The following THRAP3 variants were observed in gnomAD, a reference collection of about 807,000 sequenced individuals.
THRAP3 encodes the protein thyroid hormone receptor-associated protein 3.
In THRAP3, 16 loss-of-function variants were observed where a neutral mutation model predicts 101.0. The ratio of observed to expected loss-of-function variants is 0.16; its 90% CI spans 0.11 to 0.24. THRAP3 has a LOEUF of 0.24. THRAP3 is among the 10% of genes least tolerant of loss of function. The pLI is 1.00. For missense variants in THRAP3, 989 were observed against 1,202.7 expected, an observed-to-expected ratio of 0.82 and a Z score of 2.63; for synonymous variants, 407 against 422.6, an observed-to-expected ratio of 0.96 and a Z score of 0.45.
rs1464266481 is a variant in THRAP3, at chr1:36,286,166, T to C, written c.138-202T>C. Among the ~76,000 whole-genome samples, 1 of 152,248 alleles carries C rather than the reference T, an allele frequency of 6.6e-6. No homozygotes were observed. Among genetic ancestry groups the C allele is most frequent in the Non-Finnish European group, 1.5e-5 (1 of 68,046 alleles). On this transcript the variant is annotated intron_variant, in intron 3 of 11. Transcript: ENST00000354618. This position sits in a 1 kb window ranked among gnomAD's most constrained non-coding sequence, Gnocchi z 5.5. ...TATGAATGAAGTGACCTGTGTTTCA[T>C]CACTTGTTCAAATGATTCTTATCCA...
Position 36,287,252 on chromosome 1 carries a change from G to T in THRAP3, c.1022G>T (p.Gly341Val). 1.2e-6 allele frequency: 2 copies of T among 1,610,010 alleles called. No individual in the cohort carries two copies. Among genetic ancestry groups the T allele is most frequent in the South Asian group, 1.1e-5 (1 of 90,622 alleles). ...AAGGAGGAGAGTGCTGCTTCAGGAGGAGCAGCCTATACAAAGAGGCAAGTA... is the reference window on the plus strand; with the variant it reads ...AAGGAGGAGAGTGCTGCTTCAGGAGTAGCAGCCTATACAAAGAGGCAAGTA... ...SQKEESAASGGAAYTKRYLEE... is the reference protein window; with the variant it reads ...SQKEESAASGVAAYTKRYLEE... The change falls in exon 4 of 12, where the codon GGA becomes GTA. Residue 341 changes from glycine to valine, a missense_variant. By Grantham distance (109) the Gly-to-Val change is moderately radical. Coordinates refer to ENST00000354618, the MANE Select transcript of THRAP3 (RefSeq NM_005119.4).
intron 2 of THRAP3, among the ~76,000 whole-genome samples, chr1:36,269,920 TAC>T (rs1645566675): frequency 6.6e-6 from 1 of 151,920 alleles, no homozygotes; most frequent in Admixed American, 6.6e-5. Context: ...AGGAGGAAAA[TAC>T]ACAAAAGGAG....
At chr1:36,210,583 C>T in the THRAP3 span, among the ~76,000 whole-genome samples, 19 of 138,508 alleles carry the variant, frequency 1.4e-4, no homozygotes, top group South Asian at 6.9e-4. Flanking sequence ...CCCGGCTACT[C>T]GGGAGCTGAG....
intron 1 of THRAP3, among the ~76,000 whole-genome samples, chr1:36,249,708 G>GTGTGTGTT (rs1645275367): frequency 1.3e-5 from 2 of 151,690 alleles, no homozygotes; most frequent in South Asian, 4.2e-4. Flanking sequence ...GTGTGTGTGT[G>GTGTGTGTT]TGTGTGTGTG....
At chr1:36,231,629 C>G (rs1187089197) in intron 1 of THRAP3, among the ~76,000 whole-genome samples, 1 of 152,062 alleles carries the variant, frequency 6.6e-6, no homozygotes, top group Non-Finnish European at 1.5e-5. Flanking sequence ...GTTAACAACT[C>G]AATTTCCTTT....
chr1:36,293,028 C>CTTTGTTTTTTTTTTTTTT (rs1645896901), intron 7 of THRAP3, among the ~76,000 whole-genome samples: 1 of 82,798 alleles, frequency 1.2e-5, no homozygotes, highest in Non-Finnish European at 2.2e-5. Context: ...CTTTTCTTGT[C>CTTTGTTTTTTTTTTTTTT]TTTTTTTTTT....
rs1331411932 is a variant in THRAP3, at chr1:36,224,473, G to C, written c.-167G>C. On this transcript the variant is annotated 5_prime_UTR_variant, in exon 1 of 12. Transcript: ENST00000354618. ...AGGTTCGGGCTGGTTGTTCCGTTGC[G>C]AGCTGCAGCTGCGATCTCTGTGGTA... The C allele has an allele frequency of 6.5e-6, 1 of 152,976 alleles. No individual in the cohort carries two copies. The highest frequency in any genetic ancestry group is 1.5e-5 in the Non-Finnish European group (1 of 68,490). The allele number at this position is 152,976 out of a possible 1,614,324, so 9.5% of individuals were successfully genotyped here. A position where few individuals can be genotyped will look rare whatever the true frequency, so the allele number is the denominator to read the frequency against.
intron 1 of THRAP3, among the ~76,000 whole-genome samples, chr1:36,233,283 G>A (rs1054700217): frequency 6.6e-6 from 1 of 151,520 alleles, no homozygotes; most frequent in Non-Finnish European, 1.5e-5. Flanking sequence ...TGAGATGGGC[G>A]GATCACGAGG....
chr1:36,301,683 A>G lies in THRAP3; in HGVS notation c.2633A>G (p.Lys878Arg), dbSNP rs768401320. The G allele has an allele frequency of 1.2e-6, 2 of 1,613,788 alleles. No individual in the cohort carries two copies. The highest frequency in any genetic ancestry group is 1.1e-5 in the South Asian group (1 of 91,042). Reference protein sequence around the residue: ...EWDPEYTPKSKKYYLHDDREG... With the variant: ...EWDPEYTPKSRKYYLHDDREG... ...GACCCAGAGTACACACCCAAAAGCAAGAAGTATTACTTGGTATGTGTCTGG... is the reference window on the plus strand; with the variant it reads ...GACCCAGAGTACACACCCAAAAGCAGGAAGTATTACTTGGTATGTGTCTGG... Residue 878 changes from lysine (K) to arginine (R), a missense_variant, in exon 11 of 12, where the codon AAG (lysine) becomes AGG (arginine). Physicochemically the swap from Lys to Arg is conservative, Grantham distance 26. Coordinates refer to ENST00000354618, the MANE Select transcript of THRAP3 (RefSeq NM_005119.4).
chr1:36,257,617 C>T (rs1044059930), intron 1 of THRAP3, among the ~76,000 whole-genome samples: 6 of 152,132 alleles, frequency 3.9e-5, no homozygotes, highest in African/African-American at 9.7e-5. Context: ...GGTGTCTCTT[C>T]GCTGTCACAG....
In THRAP3 at chr1:36,289,173, A is replaced by G; in HGVS notation, c.1154A>G (p.Asp385Gly). The G allele has an allele frequency of 1.2e-6, 2 of 1,614,092 alleles. No individual in the cohort carries two copies. Among genetic ancestry groups the G allele is most frequent in the Non-Finnish European group, 1.7e-6 (2 of 1,180,040 alleles). The change falls in exon 5 of 12, where the codon GAT becomes GGT. Residue 385 changes from aspartate to glycine, a missense_variant. Physicochemically the swap from Asp to Gly is moderately conservative, Grantham distance 94. Coordinates refer to ENST00000354618, the MANE Select transcript of THRAP3 (RefSeq NM_005119.4). ...AGCTTCTCTGACACAGGCTTGGGTG[A>G]TGGAAAAATGAAATCTGATTCTTTT... ...KGSFSDTGLG[D>G]GKMKSDSFAP...
At chr1:36,237,998 T>A (rs1005856787) in intron 1 of THRAP3, among the ~76,000 whole-genome samples, 4 of 151,604 alleles carry the variant, frequency 2.6e-5, no homozygotes, top group Non-Finnish European at 4.4e-5. Flanking sequence ...TTTAGCAAAA[T>A]TTTTTTTTCT....
At chr1:36,275,116 T>TACAC (rs142851565) in intron 2 of THRAP3, among the ~76,000 whole-genome samples, 37,029 of 139,262 alleles carry the variant, frequency 0.27, 5,562 homozygotes, top group East Asian at 0.62. Context: ...TACTAAAAAA[T>TACAC]ACACACACAC....
chr1:36,220,072 G>A (rs954030171), upstream of THRAP3, among the ~76,000 whole-genome samples: 3 of 152,170 alleles, frequency 2.0e-5, no homozygotes, highest in African/African-American at 7.2e-5. Context: ...TTGGCTCACT[G>A]CAACCTTCAC....
chr1:36,298,660 C>G (rs1049153508), intron 9 of THRAP3, among the ~76,000 whole-genome samples: 2 of 151,968 alleles, frequency 1.3e-5, no homozygotes, highest in African/African-American at 4.8e-5. Flanking sequence ...CCATGATGCC[C>G]GGCTAATTTT....
intron 2 of THRAP3, among the ~76,000 whole-genome samples, chr1:36,280,224 G>A (rs757359999): frequency 6.6e-6 from 1 of 152,088 alleles, no homozygotes; most frequent in Non-Finnish European, 1.5e-5. Flanking sequence ...TCTGTAAAAC[G>A]GGATTAAAAA....
chr1:36,252,038 TG>T (rs1645307714), intron 1 of THRAP3, among the ~76,000 whole-genome samples: 1 of 152,242 alleles, frequency 6.6e-6, no homozygotes, highest in African/African-American at 2.4e-5. Context: ...TATGAGTTGC[TG>T]GGCATAAATA....
At chr1:36,249,169 C>T (rs930852146) in intron 1 of THRAP3, among the ~76,000 whole-genome samples, 2 of 150,810 alleles carry the variant, frequency 1.3e-5, no homozygotes, top group Non-Finnish European at 1.5e-5. Context: ...AGGTGCAAGC[C>T]ACCGCACCCA....
At chr1:36,291,244 C>G in intron 5 of THRAP3, 130 bp from the exon 6 acceptor site, 1 of 961,048 alleles carries the variant, frequency 1.0e-6, no homozygotes, top group Non-Finnish European at 1.5e-6. Context: ...CTGAGGGTTA[C>G]TTTCAACTTC....
Sources: allele counts gnomAD v4.1 joint callset (sites outside exome capture counted in the v4.1 genomes callset), GRCh38; gene constraint gnomAD v4.1.1; non-coding constraint Gnocchi (gnomAD v3.1); transcripts MANE v1.5; gene names NCBI Gene and HGNC (gene_info 2026-07-23, HGNC 2026-07-21).